MYRF: variants seen among roughly 807,000 people sequenced by gnomAD.
MYRF encodes the protein myelin regulatory factor.
In MYRF, 16 loss-of-function variants were observed where a neutral mutation model predicts 126.3. That is an observed-to-expected ratio of 0.13 (90% CI 0.09 to 0.19). MYRF has a LOEUF of 0.19. MYRF is among the 10% of genes least tolerant of loss of function. The pLI is 1.00. For missense variants in MYRF, 1,104 were observed against 1,547.0 expected, an observed-to-expected ratio of 0.71 and a Z score of 4.80; for synonymous variants, 608 against 635.3, an observed-to-expected ratio of 0.96 and a Z score of 0.65.
intron 14 of MYRF, chr11:61,779,003 T>A (rs1340159544): frequency 1.5e-6 from 1 of 648,782 alleles, no homozygotes; most frequent in Non-Finnish European, 2.8e-6. Flanking sequence ...TGGCAGGGAG[T>A]GGGGAGGGCC....
Position 61,779,243 on chromosome 11 carries a change from T to C in MYRF, c.2014-20T>C, listed in dbSNP as rs1302128925. 1.3e-6 allele frequency: 2 copies of C among 1,536,894 alleles called. No individual in the cohort carries two copies. The highest frequency in any genetic ancestry group is 2.4e-5 in the East Asian group (1 of 40,852). ...GCCCTCTGTGTTGGCCCATGGCCCA[T>C]GGCCCATGGCCCATGGCAGGAGCGC... On this transcript the variant is annotated intron_variant, in intron 14 of 26. Transcript: ENST00000278836.
intron 1 of MYRF, among the ~76,000 whole-genome samples, chr11:61,763,676 C>T (rs1246808549): frequency 2.0e-5 from 3 of 152,116 alleles, no homozygotes; most frequent in Non-Finnish European, 2.9e-5. Context: ...CCAGCCTGGC[C>T]AACATGGTGA....
intron 7 of MYRF, among the ~76,000 whole-genome samples, chr11:61,772,276 CCCAAGCTGGG>C (rs2066246665): frequency 1.3e-5 from 2 of 152,302 alleles, no homozygotes; most frequent in South Asian, 4.1e-4. Context: ...GGAAGCTGAG[CCCAAGCTGGG>C]CCCTCCCGGC....
chr11:61,782,107 C>T lies in MYRF; in HGVS notation c.3016+283C>T, dbSNP rs949377879. 2.7e-5 allele frequency: 10 copies of T among 368,020 alleles called. No homozygotes were observed. In the East Asian group the frequency reaches 2.8e-4, roughly 10 times the overall value. The allele number at this position is 368,020 out of a possible 1,614,324, so 22.8% of individuals were successfully genotyped here. A position where few individuals can be genotyped will look rare whatever the true frequency, so the allele number is the denominator to read the frequency against. ...GTGACCTGCCCAGGGTTATACAGCC[C>T]CTCCGAGGCAGGGCTTGTATTTGAT... On this transcript the variant is annotated intron_variant, in intron 22 of 26. Transcript: ENST00000278836.
rs1294195817 is a variant in MYRF, at chr11:61,770,457, G to A, written c.672G>A (p.Val224=). 2 of 1,561,584 alleles carry A rather than the reference G, an allele frequency of 1.3e-6. No homozygotes were observed. The highest frequency in any genetic ancestry group is 2.4e-5 in the East Asian group (1 of 41,896). Residue 224 remains valine, a synonymous_variant, in exon 5 of 27, where the codon GTG becomes GTA. Coordinates refer to ENST00000278836, the MANE Select transcript of MYRF (RefSeq NM_001127392.3). ...ACGCTGCCATGGGGCAGGGGCTGGT[G>A]CCCACTGATCTTCACCACACCCAGC... ...PHYAAMGQGL[V]PTDLHHTQQS...
In MYRF at chr11:61,773,993, C is replaced by T. The variant is rs748918846; in HGVS notation, c.1142C>T (p.Ala381Val). The change falls in exon 8 of 27, where the codon GCG becomes GTG. Residue 381 changes from alanine (A) to valine (V), a missense_variant. Ala to Val is a moderately conservative substitution (Grantham distance 64). This residue lies in a region of MYRF where 87 missense variants were observed against 129.2 expected (regional missense o/e 0.67). Coordinates refer to ENST00000278836, the MANE Select transcript of MYRF (RefSeq NM_001127392.3). ...ELPMLTYRVD[A>V]DKGFNFSVGD... ...CCCATGCTCACCTACCGCGTGGATG[C>T]GGACAAGGGCTTCAACTTTTCGGTG... is the stretch of plus-strand genomic sequence containing the variant. 1.1e-5 allele frequency: 17 copies of T among 1,612,260 alleles called. No homozygotes were observed. Among genetic ancestry groups the T allele is most frequent in the Admixed American group, 3.3e-5 (2 of 59,900 alleles).
Position 61,766,196 on chromosome 11 carries a change from G to C in MYRF, c.373G>C (p.Glu125Gln). 6.2e-7 allele frequency: 1 copy of C among 1,610,096 alleles called. No homozygotes were observed. The highest frequency in any genetic ancestry group is 8.5e-7 in the Non-Finnish European group (1 of 1,179,132). The change falls in exon 3 of 27, where the codon GAG (glutamate) becomes CAG (glutamine). Residue 125 changes from glutamate (E) to glutamine (Q), a missense_variant. Around this residue, in one of 10 missense-constraint regions of MYRF, gnomAD observed 368 missense variants for 403.9 expected, o/e 0.91. Coordinates refer to ENST00000278836, the MANE Select transcript of MYRF (RefSeq NM_001127392.3). The part of the protein sequence containing the change: ...PGGTGPPIKA[E>Q]PKAPYAPGTL... ...GGGCACCGGGCCCCCCATCAAGGCT[G>C]AGCCCAAGGCTCCCTATGCCCCAGG... is the stretch of plus-strand genomic sequence containing the variant.
At chr11:61,754,667 C>G (rs1004080970) in intron 1 of MYRF, among the ~76,000 whole-genome samples, 1 of 152,128 alleles carries the variant, frequency 6.6e-6, no homozygotes, top group Non-Finnish European at 1.5e-5. Flanking sequence ...GGGCTGACGC[C>G]ACGGCTTAGC....
In MYRF at chr11:61,783,942, G is replaced by A. The variant is rs1410764840; in HGVS notation, c.3194+17G>A. ...GCAGATGAAGTGAGTGCCGGTGTGG[G>A]GAAGTGGGAGGCAGGAGGGGAGCCA... is the stretch of plus-strand genomic sequence containing the variant. On this transcript the variant is annotated intron_variant, in intron 24 of 26. Transcript: ENST00000278836. The surrounding 1 kb of genome is among the most constrained non-coding windows in gnomAD (Gnocchi z 4.6). The A allele has an allele frequency of 3.1e-6, 5 of 1,590,164 alleles. No individual in the cohort carries two copies. Among genetic ancestry groups the A allele is most frequent in the Non-Finnish European group, 4.3e-6 (5 of 1,166,722 alleles).
chr11:61,781,203 C>T lies in MYRF; in HGVS notation c.2638C>T (p.His880Tyr). 15 of 1,614,116 alleles carry T rather than the reference C, an allele frequency of 9.3e-6. No individual in the cohort carries two copies. Among genetic ancestry groups the T allele is most frequent in the Non-Finnish European group, 1.3e-5 (15 of 1,180,038 alleles). The change falls in exon 21 of 27, where the codon CAC becomes TAC. Residue 880 changes from histidine (H) to tyrosine (Y), a missense_variant. Coordinates refer to ENST00000278836, the MANE Select transcript of MYRF (RefSeq NM_001127392.3). Reference sequence around the variant, plus strand: ...CCGCACCTTGGACATGTGTTCCAGCCACCCCTGCCCTGTCATCTGCTGTTC... The same window carrying T: ...CCGCACCTTGGACATGTGTTCCAGCTACCCCTGCCCTGTCATCTGCTGTTC... The part of the protein sequence containing the change: ...AVRTLDMCSS[H>Y]PCPVICCSSP...
intron 1 of MYRF, chr11:61,754,023 C>T (rs2065678221): frequency 6.6e-6 from 1 of 152,544 alleles, no homozygotes; most frequent in African/African-American, 2.4e-5. Context: ...ACATCCTGCT[C>T]CTTGGTGCAT....
intron 1 of MYRF, 66 bp from the exon 2 acceptor site, chr11:61,765,559 G>A: frequency 7.5e-7 from 1 of 1,332,372 alleles, no homozygotes; most frequent in Non-Finnish European, 1.1e-6. Flanking sequence ...TGGAGGGCTG[G>A]GCCCTGAAGC....
At chr11:61,769,135 G>T (rs2066138791) in intron 3 of MYRF, 125 bp from the exon 4 acceptor site, 2 of 626,754 alleles carry the variant, frequency 3.2e-6, no homozygotes, top group African/African-American at 3.7e-5. Flanking sequence ...AAGGGTGGAT[G>T]TGACGAAACC....
rs2135829702 is a variant in MYRF, at chr11:61,776,141, C to CTGACCCTGTT, written c.1388+10_1388+19dup. 2 of 1,613,966 alleles carry CTGACCCTGTT rather than the reference C, an allele frequency of 1.2e-6. No individual in the cohort carries two copies. The highest frequency in any genetic ancestry group is 1.7e-6 in the Non-Finnish European group (2 of 1,179,866). On this transcript the variant is annotated intron_variant, in intron 9 of 26. Coordinates refer to ENST00000278836, the MANE Select transcript of MYRF (RefSeq NM_001127392.3). The surrounding 1 kb of genome is among the most constrained non-coding windows in gnomAD (Gnocchi z 4.3). ...CCCTTCAACCCGGTCACGTGAGTGTCTGACCCTGTTGGGGGTGGTACCTAG... is the reference window on the plus strand; with the variant it reads ...CCCTTCAACCCGGTCACGTGAGTGTCTGACCCTGTTTGACCCTGTTGGGGGTGGTACCTAG...
At chr11:61,765,806 C>T in intron 2 of MYRF, 94 bp downstream of exon 2, 1 of 1,426,414 alleles carries the variant, frequency 7.0e-7, no homozygotes, top group Non-Finnish European at 9.6e-7. Flanking sequence ...GACCTGGGGT[C>T]TGCTGTGGTC....
intron 1 of MYRF, among the ~76,000 whole-genome samples, chr11:61,764,238 G>A (rs989103968): frequency 2.0e-5 from 3 of 152,336 alleles, no homozygotes; most frequent in South Asian, 2.1e-4. Context: ...TTGAAATGCC[G>A]GCTGAGGCCA....
intron 24 of MYRF, 49 bp from the exon 25 acceptor site, chr11:61,784,231 T>C: frequency 6.4e-7 from 1 of 1,551,238 alleles, no homozygotes; most frequent in South Asian, 1.2e-5. Context: ...GGGGCTGGGG[T>C]TGAGGGACTC....
At chr11:61,766,383 C>T (rs1327659257) in intron 3 of MYRF, 162 bp downstream of exon 3, 10 of 700,604 alleles carry the variant, frequency 1.4e-5, no homozygotes, top group Non-Finnish European at 2.2e-5. Context: ...GAGTCCAGGT[C>T]AAGGGGGGAC....
intron 1 of MYRF, among the ~76,000 whole-genome samples, chr11:61,754,844 C>T (rs2065702017): frequency 6.6e-6 from 1 of 152,182 alleles, no homozygotes; most frequent in Admixed American, 6.5e-5. Flanking sequence ...GTGGGTGGCC[C>T]CTGAGGCCTA....
Sources: gnomAD v4.1 joint callset for allele counts (sites outside exome capture counted in the v4.1 genomes callset) on GRCh38, gnomAD v4.1.1 for gene constraint, gnomAD v4.1.1 regional missense constraint, Gnocchi (gnomAD v3.1) non-coding constraint, MANE v1.5 for transcripts, NCBI Gene and HGNC (gene_info 2026-07-23, HGNC 2026-07-21) for gene names.